ZNF397: variants seen among roughly 807,000 people sequenced by gnomAD.
The protein encoded by ZNF397 is zinc finger protein 397.
Under a neutral mutation model 50.6 loss-of-function variants are expected in ZNF397, and 38 were observed. The observed-to-expected ratio is 0.75, with a 90% CI of 0.58 to 0.98. ZNF397 has a LOEUF of 0.98. Ranked by LOEUF, ZNF397 falls within the 50% of genes least tolerant of loss-of-function variation. The probability of loss-of-function intolerance (pLI) is 0.00; values close to 1 mark genes in which losing one functional copy is unlikely to be tolerated. For synonymous variants in ZNF397, 228 were observed against 215.2 expected (o/e 1.06, Z -0.52); for missense variants, 624 against 624.1 (o/e 1.00, Z 0.00).
chr18:35,252,133 A>C (rs1203493274), downstream of ZNF397: 1 of 152,176 alleles, frequency 6.6e-6, no homozygotes, highest in Non-Finnish European at 1.5e-5. Context: ...CAGAATCCCC[A>C]TGTGTTGCTT....
downstream of ZNF397, chr18:35,254,381 T>C (rs746126606): frequency 6.2e-7 from 1 of 1,613,990 alleles, no homozygotes; most frequent in Non-Finnish European, 8.5e-7. Context: ...CATCCTGCCA[T>C]CTAAAAATGT....
rs763296249 is a variant in ZNF397, at chr18:35,246,304, A to G, written c.1599A>G (p.Ile533Met). Residue 533 changes from isoleucine to methionine, a missense_variant, in exon 4 of 4, where the codon ATA becomes ATG. Transcript: ENST00000330501. Reference sequence around the variant, plus strand: ...TGCGCCATCAAAGAGTCCACACTATAAAGTAATTTGTGAATACTGTGAATA... The same window carrying G: ...TGCGCCATCAAAGAGTCCACACTATGAAGTAATTTGTGAATACTGTGAATA... ...VLMRHQRVHTIK is the reference protein window; with the variant it reads ...VLMRHQRVHTMK 2.1e-4 allele frequency: 316 copies of G among 1,532,606 alleles called. 1 individual carries two copies. The highest frequency in any genetic ancestry group is 9.9e-4 in the South Asian group (80 of 80,918). The allele number at this position is 1,532,606 out of a possible 1,614,324, so 94.9% of individuals were successfully genotyped here.
chr18:35,242,858 A>G lies in ZNF397; in HGVS notation c.388A>G (p.Arg130Gly). ...EAVTLLEDLE[R>G]EFDDPGQQVP... ...TGTGACCCTGTTGGAGGATTTAGAGAGGGAGTTTGATGACCCAGGGCAGCA... is the reference window on the plus strand; with the variant it reads ...TGTGACCCTGTTGGAGGATTTAGAGGGGGAGTTTGATGACCCAGGGCAGCA... Residue 130 changes from arginine (R) to glycine (G), a missense_variant, in exon 2 of 4, where the codon AGG (arginine) becomes GGG (glycine). Coordinates refer to ENST00000330501, the MANE Select transcript of ZNF397 (RefSeq NM_001135178.3). 1 of 1,611,822 alleles carries G rather than the reference A, an allele frequency of 6.2e-7. No individual in the cohort carries two copies. Among genetic ancestry groups the G allele is most frequent in the South Asian group, 1.1e-5 (1 of 90,942 alleles).
In ZNF397 at chr18:35,249,251, A is replaced by G. The variant is rs983143207; in HGVS notation, c.*2941A>G. On this transcript the variant is annotated 3_prime_UTR_variant, in exon 4 of 4. Coordinates refer to ENST00000330501, the MANE Select transcript of ZNF397 (RefSeq NM_001135178.3). ...GAATAAATACATACCATCTCTGGCA[A>G]TCAATACCAGAAGCTTTAAGCATTG... 1.1e-4 allele frequency: 16 copies of G among 152,332 alleles called. No individual in the cohort carries two copies. The Middle Eastern group carries it at 0.01, about 97-fold the overall frequency. The allele number at this position is 152,332 out of a possible 1,614,324, so 9.4% of individuals were successfully genotyped here.
downstream of ZNF397, among the ~76,000 whole-genome samples, chr18:35,250,245 C>T (rs550704078): frequency 6.6e-6 from 1 of 152,310 alleles, no homozygotes; most frequent in African/African-American, 2.4e-5. Context: ...AAGTCATCTT[C>T]CAACTCTAGA....
chr18:35,243,035 T>G, intron 2 of ZNF397, 117 bp from the exon 3 acceptor site: 1 of 1,522,110 alleles, frequency 6.6e-7, no homozygotes, highest in Non-Finnish European at 8.9e-7. Flanking sequence ...CCTTGAATGG[T>G]CTTTTTCCCC....
Position 35,245,321 on chromosome 18 carries a change from C to A in ZNF397, c.616C>A (p.Leu206Ile), listed in dbSNP as rs1472391731. The change falls in exon 4 of 4, where the codon CTC becomes ATC. Residue 206 changes from leucine to isoleucine, a missense_variant. Leu to Ile is a conservative substitution (Grantham distance 5, BLOSUM62 2). Coordinates refer to ENST00000330501, the MANE Select transcript of ZNF397 (RefSeq NM_001135178.3). ...CATCTCAGAAGAAAAATCACAGGGA[C>A]TCCCTCAGGAACCTTCATTTCGAGG... ...EGISEEKSQG[L>I]PQEPSFRGIS... The A allele has an allele frequency of 6.2e-7, 1 of 1,612,954 alleles. No individual in the cohort carries two copies. The highest frequency in any genetic ancestry group is 8.5e-7 in the Non-Finnish European group (1 of 1,179,260).
At chr18:35,257,918 T>C in intron 5 of ZNF397, 1 of 781,044 alleles carries the variant, frequency 1.3e-6, no homozygotes, top group Non-Finnish European at 2.4e-6. Context: ...CTTCTCTCTC[T>C]CCATTACAGA....
chr18:35,244,307 C>G (rs1315678686), intron 3 of ZNF397, among the ~76,000 whole-genome samples: 1 of 152,188 alleles, frequency 6.6e-6, no homozygotes, highest in Non-Finnish European at 1.5e-5. Flanking sequence ...AATGAGAAAA[C>G]ATAAGGAAAA....
chr18:35,246,834 G>T lies in ZNF397; in HGVS notation c.*524G>T, dbSNP rs2043491129. The T allele has an allele frequency of 8.1e-6, 8 of 985,728 alleles. No individual in the cohort carries two copies. The South Asian group carries it at 2.8e-4, about 35-fold the overall frequency. The allele number at this position is 985,728 out of a possible 1,614,324, so 61.1% of individuals were successfully genotyped here. A position where few individuals can be genotyped will look rare whatever the true frequency, so the allele number is the denominator to read the frequency against. On this transcript the variant is annotated 3_prime_UTR_variant, in exon 4 of 4. Transcript: ENST00000330501. ...GGAATTAGATAGGCATGAGAAGAAA[G>T]AATATAATTTACCCAAAGGTTATTT...
chr18:35,253,501 A>C, downstream of ZNF397: 1 of 1,609,976 alleles, frequency 6.2e-7, no homozygotes, highest in African/African-American at 1.3e-5. Context: ...ACCTATGCCT[A>C]AATGTTTTTC....
chr18:35,257,833 G>A (rs558521342), intron 5 of ZNF397: 1 of 777,764 alleles, frequency 1.3e-6, no homozygotes, highest in African/African-American at 1.7e-5. Flanking sequence ...CCCATGAAAT[G>A]CTCCAAGGAT....
At chr18:35,257,589 C>T (rs2043878275) in intron 5 of ZNF397, 1 of 314,576 alleles carries the variant, frequency 3.2e-6, no homozygotes, top group African/African-American at 2.2e-5. Flanking sequence ...ACTTCTCAGC[C>T]TCCAGAACTG....
Position 35,245,493 on chromosome 18 carries a change from A to G in ZNF397, c.788A>G (p.Glu263Gly). ...AAGAGAGACCTTTATGATGAGGCTG[A>G]AAGATGCTTGATTCTAACTACAGAC... ...LGKRDLYDEA[E>G]RCLILTTDSI... Residue 263 changes from glutamate (E) to glycine (G), a missense_variant, in exon 4 of 4, where the codon GAA (glutamate) becomes GGA (glycine). By Grantham distance (98) the Glu-to-Gly change is moderately conservative. Transcript: ENST00000330501. 1 of 1,552,584 alleles carries G rather than the reference A, an allele frequency of 6.4e-7. No individual in the cohort carries two copies. The highest frequency in any genetic ancestry group is 8.7e-7 in the Non-Finnish European group (1 of 1,147,232).
chr18:35,246,039 G>T lies in ZNF397; in HGVS notation c.1334G>T (p.Arg445Ile). 6.4e-7 allele frequency: 1 copy of T among 1,565,898 alleles called. No individual in the cohort carries two copies. The highest frequency in any genetic ancestry group is 8.7e-7 in the Non-Finnish European group (1 of 1,155,212). The part of the protein sequence containing the change: ...RQSSELITHQ[R>I]IHSGEKPYEC... ...AGCTCAGAGCTGATTACTCATCAGA[G>T]AATACATAGTGGAGAGAAACCCTAT... Residue 445 changes from arginine to isoleucine, a missense_variant, in exon 4 of 4, where the codon AGA (arginine) becomes ATA (isoleucine). Arg to Ile is a moderately conservative substitution (Grantham distance 97). Coordinates refer to ENST00000330501, the MANE Select transcript of ZNF397 (RefSeq NM_001135178.3).
chr18:35,253,331 T>C, downstream of ZNF397: 1 of 724,202 alleles, frequency 1.4e-6, no homozygotes, highest in Non-Finnish European at 2.2e-6. Flanking sequence ...CTTCTTATAG[T>C]ACCGAACTGG....
At chr18:35,241,476 G>C (rs1227139638) in intron 1 of ZNF397, 1 of 152,206 alleles carries the variant, frequency 6.6e-6, no homozygotes, top group African/African-American at 2.4e-5. Flanking sequence ...TTACTCATCT[G>C]TCCTGACAAA....
At position 35,245,502 on chromosome 18, in the gene ZNF397, T is replaced by C. The variant is rs1376756269; in HGVS notation, c.797T>C (p.Leu266Ser). Reference protein sequence around the residue: ...RDLYDEAERCLILTTDSIMCQ... With the variant: ...RDLYDEAERCSILTTDSIMCQ... ...CTTTATGATGAGGCTGAAAGATGCTTGATTCTAACTACAGACTCTATAATG... is the reference window on the plus strand; with the variant it reads ...CTTTATGATGAGGCTGAAAGATGCTCGATTCTAACTACAGACTCTATAATG... The change falls in exon 4 of 4, where the codon TTG (leucine) becomes TCG (serine). Residue 266 changes from leucine to serine, a missense_variant. By Grantham distance (145) the Leu-to-Ser change is moderately radical. Transcript: ENST00000330501. The C allele has an allele frequency of 6.4e-7, 1 of 1,552,482 alleles. No individual in the cohort carries two copies. Among genetic ancestry groups the C allele is most frequent in the Non-Finnish European group, 8.7e-7 (1 of 1,147,186 alleles).
At chr18:35,251,645 G>T (rs1021452653), downstream of ZNF397, 1 of 152,136 alleles carries the variant, frequency 6.6e-6, no homozygotes, top group Admixed American at 6.5e-5. Flanking sequence ...GAATTCTCAT[G>T]AGATTTGGCT....
Sources: gnomAD v4.1 joint callset for allele counts (sites outside exome capture counted in the v4.1 genomes callset) on GRCh38, gnomAD v4.1.1 for gene constraint, MANE v1.5 for transcripts, NCBI Gene and HGNC (gene_info 2026-07-23, HGNC 2026-07-21) for gene names.